The following TFEC variants were observed in gnomAD, a reference collection of about 807,000 sequenced individuals.
TFEC encodes transcription factor EC.
In TFEC, 31 loss-of-function variants were observed where a neutral mutation model predicts 41.6. The ratio of observed to expected loss-of-function variants is 0.74; its 90% CI spans 0.56 to 1.01. TFEC has a LOEUF of 1.01. TFEC is among the 50% of genes least tolerant of loss of function. The pLI, the probability that TFEC is intolerant of heterozygous loss-of-function variation, is 0.00. For missense variants in TFEC, 402 were observed against 404.1 expected, an observed-to-expected ratio of 0.99 and a Z score of 0.04; for synonymous variants, 143 against 140.6, an observed-to-expected ratio of 1.02 and a Z score of -0.12.
At chr7:115,953,003 T>C (rs1038740244) in intron 5 of TFEC, among the ~76,000 whole-genome samples, 3 of 152,060 alleles carry the variant, frequency 2.0e-5, no homozygotes, top group African/African-American at 7.2e-5. Context: ...CCTGGGTCCA[T>C]CCTCCTGAAG....
intron 3 of TFEC, among the ~76,000 whole-genome samples, chr7:116,089,558 C>T (rs935103236): frequency 1.3e-5 from 2 of 152,036 alleles, no homozygotes; most frequent in Non-Finnish European, 2.9e-5. Context: ...GAAATATGCA[C>T]TGGTCTTACA....
intron 4 of TFEC, among the ~76,000 whole-genome samples, chr7:115,955,454 AAG>A (rs1792170885): frequency 6.6e-6 from 1 of 152,082 alleles, no homozygotes; most frequent in Admixed American, 6.6e-5. Flanking sequence ...GTCAGGGACA[AAG>A]ACCACTTGCC....
chr7:116,086,631 T>C (rs575997594), intron 3 of TFEC, among the ~76,000 whole-genome samples: 5 of 151,786 alleles, frequency 3.3e-5, no homozygotes, highest in East Asian at 1.9e-4. Context: ...CCCCACTGAA[T>C]TGTTAGCAAA....
chr7:115,992,813 C>T (rs1031540215), intron 1 of TFEC, among the ~76,000 whole-genome samples: 1 of 152,108 alleles, frequency 6.6e-6, no homozygotes, highest in East Asian at 1.9e-4. Flanking sequence ...GAAACTATTC[C>T]AATCAATAGA....
intron 3 of TFEC, among the ~76,000 whole-genome samples, chr7:116,053,739 T>C (rs1253199588): frequency 6.6e-6 from 1 of 152,156 alleles, no homozygotes; most frequent in Admixed American, 6.5e-5. Context: ...TCTCTAGAAA[T>C]TTCCACTAAC....
chr7:116,039,629 A>G (rs150629208), intron 3 of TFEC, among the ~76,000 whole-genome samples: 1 of 152,096 alleles, frequency 6.6e-6, no homozygotes, highest in Non-Finnish European at 1.5e-5. Flanking sequence ...CAGGAAACTA[A>G]TAACTATAAC....
chr7:116,066,483 T>TTATA (rs534137119), intron 3 of TFEC, among the ~76,000 whole-genome samples: 2 of 148,762 alleles, frequency 1.3e-5, no homozygotes, highest in African/African-American at 2.4e-5. Context: ...CTATCAGGGG[T>TTATA]TATATATATA....
chr7:115,940,341 A>G lies in TFEC; in HGVS notation c.*210T>C, dbSNP rs1057415651. 1.2e-5 allele frequency: 6 copies of G among 507,730 alleles called. No individual in the cohort carries two copies. Among genetic ancestry groups the G allele is most frequent in the African/African-American group, 9.8e-5 (5 of 50,972 alleles). The allele number at this position is 507,730 out of a possible 1,614,324, so 31.5% of individuals were successfully genotyped here. A position where few individuals can be genotyped will look rare whatever the true frequency, so the allele number is the denominator to read the frequency against. ...GTGGATTTGGACTCCGTAGTCAAAGAAGAAAACACCTTTTTTTCGCCCTCA... is the reference window on the plus strand; with the variant it reads ...GTGGATTTGGACTCCGTAGTCAAAGGAGAAAACACCTTTTTTTCGCCCTCA... On this transcript the variant is annotated 3_prime_UTR_variant, in exon 8 of 8. Transcript: ENST00000265440.
chr7:116,098,896 AAGGAAGG>A (rs1797537138), intron 3 of TFEC, among the ~76,000 whole-genome samples: 1 of 144,924 alleles, frequency 6.9e-6, no homozygotes, highest in Non-Finnish European at 1.5e-5. Context: ...GGAAGGAAGG[AAGGAAGG>A]AAGGAAGGAA....
intron 1 of TFEC, among the ~76,000 whole-genome samples, chr7:116,114,537 G>A (rs1297810824): frequency 6.6e-6 from 1 of 151,980 alleles, no homozygotes; most frequent in East Asian, 1.9e-4. Flanking sequence ...GAGATGTTCT[G>A]GATGCTGAGG....
In TFEC at chr7:116,064,594, C is replaced by T. The variant is rs1313231141; in HGVS notation, c.198+46114G>A. ...ACAGCATTAGGACAAATACCTAATGCATGGGTGGCTTAAAACCTAGATGAC... is the reference window on the plus strand; with the variant it reads ...ACAGCATTAGGACAAATACCTAATGTATGGGTGGCTTAAAACCTAGATGAC... On this transcript the variant is annotated intron_variant, in intron 3 of 8. Transcript: ENST00000484212. 2.0e-5 allele frequency among the ~76,000 whole-genome samples: 3 copies of T among 152,026 alleles called. No homozygotes were observed. The East Asian group carries it at 5.8e-4, about 29-fold the overall frequency.
chr7:116,158,598 C>T (rs1157461561), intron 1 of TFEC, among the ~76,000 whole-genome samples: 1 of 151,904 alleles, frequency 6.6e-6, no homozygotes, highest in Non-Finnish European at 1.5e-5. Context: ...TGATGAAAAT[C>T]AATGATATCC....
At chr7:116,132,164 T>C (rs1243708479) in intron 1 of TFEC, among the ~76,000 whole-genome samples, 1 of 152,198 alleles carries the variant, frequency 6.6e-6, no homozygotes, top group African/African-American at 2.4e-5. Flanking sequence ...AACGGCATCA[T>C]TTTAAGGAAT....
chr7:116,048,719 G>C (rs1344980857), intron 3 of TFEC, among the ~76,000 whole-genome samples: 1 of 152,114 alleles, frequency 6.6e-6, no homozygotes, highest in Non-Finnish European at 1.5e-5. Flanking sequence ...AAATGTTAAG[G>C]GCAATCAGAG....
intron 3 of TFEC, among the ~76,000 whole-genome samples, chr7:116,098,393 C>T (rs1035608483): frequency 6.6e-6 from 1 of 151,920 alleles, no homozygotes; most frequent in African/African-American, 2.4e-5. Context: ...TGAACCACTG[C>T]GCCCAGCCGC....
intron 1 of TFEC, among the ~76,000 whole-genome samples, chr7:116,148,846 C>T (rs938484119): frequency 6.6e-6 from 1 of 150,996 alleles, no homozygotes; most frequent in African/African-American, 2.4e-5. Flanking sequence ...CACATAGGGT[C>T]GCTAATTAAA....
At position 116,140,252 on chromosome 7, in the gene TFEC, T is replaced by C. The variant is rs1024773716; in HGVS notation, c.-69+19538A>G. On this transcript the variant is annotated intron_variant, in intron 1 of 8. Transcript: ENST00000484212. ...AAGCATGACATGATGGAAAATCAGA[T>C]AAGTGAAAGAAATGAGTGGCTCTGG... Among the ~76,000 whole-genome samples the C allele has an allele frequency of 3.3e-5, 5 of 152,296 alleles. No individual in the cohort carries two copies. In the South Asian group the frequency reaches 8.3e-4, roughly 25 times the overall value.
chr7:116,106,421 C>T (rs889558969), intron 3 of TFEC, among the ~76,000 whole-genome samples: 1 of 152,070 alleles, frequency 6.6e-6, no homozygotes. Context: ...GTTTTGCTGT[C>T]ACCCAAGCTG....
chr7:116,043,757 T>C (rs936889754), intron 3 of TFEC, among the ~76,000 whole-genome samples: 2 of 152,074 alleles, frequency 1.3e-5, no homozygotes, highest in African/African-American at 4.8e-5. Flanking sequence ...TACCAAGAAA[T>C]GTCATGGAAG....
Sources: allele counts gnomAD v4.1 joint callset (sites outside exome capture counted in the v4.1 genomes callset), GRCh38; gene constraint gnomAD v4.1.1; transcripts MANE v1.5; gene names NCBI Gene and HGNC (gene_info 2026-07-23, HGNC 2026-07-21).